Variants in DDO observed in about 807,000 individuals in gnomAD.
DDO encodes the protein D-aspartate oxidase.
A neutral mutation model predicts 16.8 loss-of-function variants in DDO; 16 were observed. That is an observed-to-expected ratio of 0.95 (90% CI 0.65 to 1.45). DDO has a LOEUF of 1.45. Among genes scored for constraint, DDO ranks in the 40% most tolerant of loss-of-function variants. The probability of loss-of-function intolerance (pLI) is 0.00; values close to 1 mark genes in which losing one functional copy is unlikely to be tolerated. For missense variants in DDO, 429 were observed against 420.3 expected, an observed-to-expected ratio of 1.02 and a Z score of -0.18; for synonymous variants, 180 against 167.2, an observed-to-expected ratio of 1.08 and a Z score of -0.59.
chr6:110,392,579 C>T lies in DDO; in HGVS notation c.*196G>A, dbSNP rs1773132265. 1.6e-6 allele frequency: 2 copies of T among 1,250,078 alleles called. No homozygotes were observed. Among genetic ancestry groups the T allele is most frequent in the African/African-American group, 1.5e-5 (1 of 64,990 alleles). The allele number at this position is 1,250,078 out of a possible 1,614,324, so 77.4% of individuals were successfully genotyped here. On this transcript the variant is annotated 3_prime_UTR_variant, in exon 5 of 5. Transcript: ENST00000368924. ...ATTGCACTCAAACTCCTGGGCTCAA[C>T]AATCCTCCTGCCTCAGCCTCTCAAG...
At chr6:110,394,927 G>T (rs1187352087) in intron 4 of DDO, among the ~76,000 whole-genome samples, 1 of 152,194 alleles carries the variant, frequency 6.6e-6, no homozygotes, top group African/African-American at 2.4e-5. Context: ...TCCTCAAGGG[G>T]AGAGACTGTA....
intron 4 of DDO, among the ~76,000 whole-genome samples, chr6:110,401,313 C>A (rs1364509773): frequency 6.6e-6 from 1 of 152,100 alleles, no homozygotes; most frequent in Non-Finnish European, 1.5e-5. Flanking sequence ...CAATTTCTTT[C>A]TGCACTAAAT....
chr6:110,398,414 ACACACAC>A (rs1441159580), intron 4 of DDO, among the ~76,000 whole-genome samples: 5,166 of 150,068 alleles, frequency 0.034, 264 homozygotes, highest in African/African-American at 0.12. Flanking sequence ...ACACACACAC[ACACACAC>A]ACACACTTGG....
intron 4 of DDO, among the ~76,000 whole-genome samples, chr6:110,395,149 A>T (rs930978061): frequency 7.2e-5 from 11 of 152,232 alleles, no homozygotes; most frequent in Admixed American, 6.5e-4. Context: ...TTGGATGAGA[A>T]AAACATTTAA....
At chr6:110,410,549 G>C (rs9386896) in intron 2 of DDO, among the ~76,000 whole-genome samples, 1 of 152,092 alleles carries the variant, frequency 6.6e-6, no homozygotes, top group East Asian at 1.9e-4. Context: ...ACTTACGATC[G>C]TGGTGGAAAG....
intron 4 of DDO, among the ~76,000 whole-genome samples, chr6:110,400,319 C>A (rs956048): frequency 0.33 from 46,406 of 142,578 alleles, 8,378 homozygotes; most frequent in African/African-American, 0.45. Flanking sequence ...GTAGTGGGAG[C>A]TGGGAGGGTG....
At chr6:110,412,578 G>C (rs1438031036) in intron 2 of DDO, among the ~76,000 whole-genome samples, 1 of 152,206 alleles carries the variant, frequency 6.6e-6, no homozygotes, top group East Asian at 1.9e-4. Flanking sequence ...CAGAAGCGTT[G>C]AAAGTCGCTT....
chr6:110,400,721 C>G (rs548005163), intron 4 of DDO, among the ~76,000 whole-genome samples: 2 of 152,238 alleles, frequency 1.3e-5, no homozygotes, highest in Non-Finnish European at 1.5e-5. Context: ...AGCTTGGGCC[C>G]GAGAAAGTTT....
At position 110,392,860 on chromosome 6, in the gene DDO, T is replaced by C; in HGVS notation, c.941A>G (p.His314Arg). The change falls in exon 5 of 5, where the codon CAC becomes CGC. Residue 314 changes from histidine (H) to arginine (R), a missense_variant. Transcript: ENST00000368924. ...GGCGGCCTCCAGAGCAGTGCCCCAG[T>C]GCACTGAGATGCCCCCACTCCCATG... ...YGHGSGGISV[H>R]WGTALEAARL... 6.2e-7 allele frequency: 1 copy of C among 1,614,058 alleles called. No individual in the cohort carries two copies. Among genetic ancestry groups the C allele is most frequent in the Non-Finnish European group, 8.5e-7 (1 of 1,180,002 alleles).
chr6:110,405,124 C>A (rs1388532380), intron 3 of DDO, among the ~76,000 whole-genome samples, 174 bp from the exon 4 acceptor site: 2 of 152,214 alleles, frequency 1.3e-5, no homozygotes, highest in South Asian at 4.1e-4. Flanking sequence ...GCAGCCTCAA[C>A]TTCTGGGGCT....
At chr6:110,404,661 G>T in intron 4 of DDO, 113 bp downstream of exon 4, 3 of 1,179,218 alleles carry the variant, frequency 2.5e-6, no homozygotes, top group Non-Finnish European at 2.4e-6. Context: ...GCAAGGCAAC[G>T]CGAAAGAGCT....
At chr6:110,396,432 A>T (rs1773293442) in intron 4 of DDO, among the ~76,000 whole-genome samples, 1 of 152,246 alleles carries the variant, frequency 6.6e-6, no homozygotes, top group Admixed American at 6.5e-5. Flanking sequence ...AGATCACATG[A>T]ACCTGCACTG....
At chr6:110,393,485 G>T in intron 4 of DDO, 143 bp from the exon 5 acceptor site, 2 of 1,200,048 alleles carry the variant, frequency 1.7e-6, no homozygotes, top group Non-Finnish European at 2.2e-6. Flanking sequence ...GCCCAGTCAG[G>T]CCAAATTCTA....
intron 4 of DDO, among the ~76,000 whole-genome samples, chr6:110,403,335 A>C (rs1294310233): frequency 6.6e-6 from 1 of 152,154 alleles, no homozygotes; most frequent in Non-Finnish European, 1.5e-5. Flanking sequence ...ACTAGCATCA[A>C]TGCTTCTAAT....
chr6:110,394,783 T>G (rs916556288), intron 4 of DDO, among the ~76,000 whole-genome samples: 1 of 152,250 alleles, frequency 6.6e-6, no homozygotes, highest in Non-Finnish European at 1.5e-5. Context: ...TTTCCTCATC[T>G]GCATCATGGG....
intron 4 of DDO, among the ~76,000 whole-genome samples, chr6:110,397,770 C>T (rs114439742): frequency 0.011 from 1,623 of 152,302 alleles, 36 homozygotes; most frequent in African/African-American, 0.037. Flanking sequence ...GCTCCCAGGC[C>T]TTGGATCCCA....
At chr6:110,398,429 T>TACACACACACACCA (rs1222174948) in intron 4 of DDO, among the ~76,000 whole-genome samples, 1 of 144,756 alleles carries the variant, frequency 6.9e-6, no homozygotes, top group African/African-American at 2.7e-5. Flanking sequence ...CACACACACT[T>TACACACACACACCA]GGCCTCCCAG....
At chr6:110,396,248 TCA>T (rs1562258952) in intron 4 of DDO, among the ~76,000 whole-genome samples, 1 of 152,220 alleles carries the variant, frequency 6.6e-6, no homozygotes, top group Non-Finnish European at 1.5e-5. Flanking sequence ...CTCAGTCTCT[TCA>T]CACTCCCTCC....
intron 4 of DDO, among the ~76,000 whole-genome samples, chr6:110,401,546 G>A (rs1773486597): frequency 6.6e-6 from 1 of 151,732 alleles, no homozygotes; most frequent in African/African-American, 2.4e-5. Context: ...GCTAATCTTG[G>A]ACAATTTGAA....
Sources: gnomAD v4.1 joint callset for allele counts (sites outside exome capture counted in the v4.1 genomes callset) on GRCh38, gnomAD v4.1.1 for gene constraint, MANE v1.5 for transcripts, NCBI Gene and HGNC (gene_info 2026-07-23, HGNC 2026-07-21) for gene names.